The following DNAI3 variants were observed in gnomAD, a reference collection of about 807,000 sequenced individuals.
DNAI3 encodes the protein dynein axonemal intermediate chain 3, also known as WD repeat domain 63.
Under a neutral mutation model 115.5 loss-of-function variants are expected in DNAI3, and 83 were observed. That is an observed-to-expected ratio of 0.72 (90% CI 0.60 to 0.86). DNAI3 has a LOEUF of 0.86. DNAI3 is among the 40% of genes least tolerant of loss of function. DNAI3 has a pLI of 0.00. For synonymous variants in DNAI3, 320 were observed against 347.0 expected (o/e 0.92, Z 0.86); for missense variants, 1,004 against 1,075.8 (o/e 0.93, Z 0.93).
chr1:85,099,019 A>G (rs980627362), intron 13 of DNAI3, among the ~76,000 whole-genome samples: 2 of 152,342 alleles, frequency 1.3e-5, no homozygotes, highest in South Asian at 2.1e-4. Flanking sequence ...AGGGAACCCT[A>G]AAGATCTGTG....
At chr1:85,099,532 G>A (rs560936086) in intron 13 of DNAI3, among the ~76,000 whole-genome samples, 102 of 152,206 alleles carry the variant, frequency 6.7e-4, no homozygotes, top group Middle Eastern at 3.4e-3. Flanking sequence ...AATCAATATC[G>A]TGAAAATGGC....
Position 85,085,957 on chromosome 1 carries a change from C to T in DNAI3, c.667C>T (p.Leu223Phe), listed in dbSNP as rs1411643034. ...AGCCTACCCAGATAAAAATTTTACC[C>T]TTAAACAACTTGAAAAAGATGTTGG... is the stretch of plus-strand genomic sequence containing the variant. The part of the protein sequence containing the change: ...CTAYPDKNFT[L>F]KQLEKDVGMQ... Residue 223 changes from leucine to phenylalanine, a missense_variant, in exon 7 of 23, where the codon CTT becomes TTT. Coordinates refer to ENST00000294664, the MANE Select transcript of DNAI3 (RefSeq NM_145172.5). 1 of 1,614,104 alleles carries T rather than the reference C, an allele frequency of 6.2e-7. No homozygotes were observed.
intron 3 of DNAI3, among the ~76,000 whole-genome samples, chr1:85,079,405 A>T (rs1285944171): frequency 2.6e-5 from 4 of 152,206 alleles, no homozygotes; most frequent in Non-Finnish European, 5.9e-5. Context: ...AAATTACCTG[A>T]ATTATTGTAT....
chr1:85,071,712 G>T (rs1249617754), intron 1 of DNAI3, among the ~76,000 whole-genome samples: 2 of 152,128 alleles, frequency 1.3e-5, no homozygotes, highest in African/African-American at 4.8e-5. Context: ...CAGCTAAATG[G>T]CTCCACCAGA....
chr1:85,124,410 A>G (rs1469951333), intron 19 of DNAI3, among the ~76,000 whole-genome samples, 159 bp downstream of exon 19: 2 of 152,070 alleles, frequency 1.3e-5, no homozygotes, highest in East Asian at 2.0e-4. Context: ...GAACCACTGT[A>G]ATCCTTTTGA....
intron 3 of DNAI3, among the ~76,000 whole-genome samples, chr1:85,074,387 T>G (rs556243607): frequency 2.6e-5 from 4 of 152,308 alleles, no homozygotes; most frequent in Admixed American, 6.5e-5. Flanking sequence ...GCTCAAGTGG[T>G]CCTGACCTTG....
chr1:85,083,603 T>A (rs1380498934), intron 5 of DNAI3, among the ~76,000 whole-genome samples: 1 of 152,168 alleles, frequency 6.6e-6, no homozygotes, highest in African/African-American at 2.4e-5. Context: ...TAATTTTTTA[T>A]TGTAATGAAA....
At chr1:85,091,418 G>A (rs1272719377) in intron 8 of DNAI3, among the ~76,000 whole-genome samples, 2 of 152,128 alleles carry the variant, frequency 1.3e-5, no homozygotes, top group Non-Finnish European at 2.9e-5. Context: ...CTGAGATGTG[G>A]GAAGGAGAAG....
chr1:85,094,057 G>T, intron 9 of DNAI3: 1 of 401,842 alleles, frequency 2.5e-6, no homozygotes, highest in South Asian at 2.1e-5. Context: ...AAGGGAGGTA[G>T]GTAGGGATGT....
intron 22 of DNAI3, 112 bp downstream of exon 22, chr1:85,130,224 T>C (rs747999770): frequency 4.9e-5 from 72 of 1,482,698 alleles, no homozygotes; most frequent in South Asian, 2.3e-4. Context: ...CACATTCTTC[T>C]CTTGTTCTCA....
intron 20 of DNAI3, among the ~76,000 whole-genome samples, chr1:85,127,511 A>G (rs1416234657): frequency 6.6e-6 from 1 of 152,164 alleles, no homozygotes; most frequent in African/African-American, 2.4e-5. Flanking sequence ...TTCTGGGATT[A>G]TAGGGGTGAA....
At chr1:85,113,199 C>T (rs549670474) in intron 16 of DNAI3, among the ~76,000 whole-genome samples, 1 of 152,262 alleles carries the variant, frequency 6.6e-6, no homozygotes, top group South Asian at 2.1e-4. Flanking sequence ...CATCTCTTAG[C>T]AGTCTTTTGA....
rs1360025205 is a variant in DNAI3, at chr1:85,128,800, G to A, written c.2409+1G>A. The stretch of plus-strand genomic sequence containing the variant: ...ATTAAGTCGCCCTTCCACCAATGAG[G>A]TTAGTAACTAACTTATGACTTTGAG... On this transcript the variant is annotated splice_donor_variant, in intron 21 of 22. Transcript: ENST00000294664. LOFTEE classifies it high-confidence loss of function. The A allele has an allele frequency of 6.2e-7, 1 of 1,609,116 alleles. No individual in the cohort carries two copies. Among genetic ancestry groups the A allele is most frequent in the Non-Finnish European group, 8.5e-7 (1 of 1,176,764 alleles).
rs200740188 is a variant in DNAI3, at chr1:85,064,980, CTGAGA to C, written c.-15+2496_-15+2500del. 1.7e-4 allele frequency among the ~76,000 whole-genome samples: 26 copies of C among 152,242 alleles called. No homozygotes were observed. In the East Asian group the frequency reaches 4.6e-3, roughly 27 times the overall value. The stretch of plus-strand genomic sequence containing the variant: ...CCCGGGAGGCGGAGGTTGCAATGAG[CTGAGA>C]TTACGCCATTGCACTCCAGCCTGGG... On this transcript the variant is annotated intron_variant, in intron 1 of 22. Transcript: ENST00000294664.
chr1:85,072,904 G>A (rs1001812969), intron 2 of DNAI3, 150 bp from the exon 3 acceptor site: 3 of 369,848 alleles, frequency 8.1e-6, no homozygotes, highest in East Asian at 9.6e-5. Flanking sequence ...GCAGTGAGCT[G>A]AGATAGCGCC....
chr1:85,126,936 T>C (rs709778), intron 20 of DNAI3, among the ~76,000 whole-genome samples: 148,871 of 151,884 alleles, frequency 0.98, 73,042 homozygotes, highest in East Asian at 1. Context: ...GGTCTCAAAC[T>C]TTGGACACAA....
chr1:85,131,453 AAAAAAAAAAAT>A (rs1286552794), intron 22 of DNAI3, among the ~76,000 whole-genome samples: 1 of 146,508 alleles, frequency 6.8e-6, no homozygotes, highest in African/African-American at 2.5e-5. Flanking sequence ...TCAAAAAAAA[AAAAAAAAAAAT>A]AAAGCATTAG....
At chr1:85,124,013 G>A (rs1479541031) in intron 18 of DNAI3, 108 bp from the exon 19 acceptor site, 11 of 1,445,054 alleles carry the variant, frequency 7.6e-6, no homozygotes, top group South Asian at 2.5e-5. Context: ...TCCACTCCCC[G>A]ACCCCATTCA....
At chr1:85,066,314 CTTTT>C (rs57553075) in intron 1 of DNAI3, among the ~76,000 whole-genome samples, 5 of 70,012 alleles carry the variant, frequency 7.1e-5, no homozygotes, top group East Asian at 4.1e-4. Flanking sequence ...TTCTGCTACT[CTTTT>C]TTTTTTTTTT....
Sources: allele counts gnomAD v4.1 joint callset (sites outside exome capture counted in the v4.1 genomes callset), GRCh38; gene constraint gnomAD v4.1.1; transcripts MANE v1.5; gene names NCBI Gene and HGNC (gene_info 2026-07-23, HGNC 2026-07-21).